SCAPER: variants seen among roughly 807,000 people sequenced by gnomAD.
SCAPER encodes S-phase cyclin A associated protein in the ER.
Under a neutral mutation model 182.2 loss-of-function variants are expected in SCAPER, and 98 were observed. That is an observed-to-expected ratio of 0.54 (90% CI 0.46 to 0.64). SCAPER has a LOEUF of 0.64. Among genes scored for constraint, SCAPER ranks in the 30% least tolerant of loss-of-function variants. SCAPER has a pLI of 0.00. For missense variants in SCAPER, 1,432 were observed against 1,690.0 expected (o/e 0.85, Z 2.68); for synonymous variants, 605 against 564.6 (o/e 1.07, Z -1.01).
intron 26 of SCAPER, among the ~76,000 whole-genome samples, chr15:76,426,585 A>T (rs1596556121): frequency 6.6e-6 from 1 of 152,178 alleles, no homozygotes; most frequent in East Asian, 1.9e-4. Context: ...TAAATGGAAA[A>T]ATATCCTGTG....
intron 22 of SCAPER, among the ~76,000 whole-genome samples, chr15:76,593,261 G>A (rs2049260603): frequency 8.2e-6 from 1 of 121,284 alleles, no homozygotes; most frequent in African/African-American, 2.5e-5. Flanking sequence ...TAGCCAGACT[G>A]CCTCTCTAGA....
At chr15:76,460,973 T>G (rs891793980) in intron 25 of SCAPER, among the ~76,000 whole-genome samples, 3 of 152,168 alleles carry the variant, frequency 2.0e-5, no homozygotes, top group African/African-American at 4.8e-5. Flanking sequence ...TTTGCCAGTT[T>G]CCCCACTAAC....
At chr15:76,471,061 T>G (rs2050116435) in intron 25 of SCAPER, 151 bp downstream of exon 25, 2 of 718,886 alleles carry the variant, frequency 2.8e-6, no homozygotes, top group Non-Finnish European at 4.0e-6. Context: ...CCAGTCTCTA[T>G]TCTCACAGTC....
chr15:76,588,047 G>A (rs1186972307), intron 22 of SCAPER, among the ~76,000 whole-genome samples: 4 of 151,466 alleles, frequency 2.6e-5, no homozygotes, highest in East Asian at 3.9e-4. Flanking sequence ...TCAGCCTCCC[G>A]AGTAGCTGGG....
At chr15:76,784,549 T>C (rs187358312) in intron 8 of SCAPER, among the ~76,000 whole-genome samples, 129 of 152,300 alleles carry the variant, frequency 8.5e-4, no homozygotes, top group Non-Finnish European at 4.3e-4. Flanking sequence ...AAAGTTCATA[T>C]GGAACCAAGA....
At chr15:76,650,891 G>C (rs1357782959) in intron 21 of SCAPER, among the ~76,000 whole-genome samples, 6 of 151,848 alleles carry the variant, frequency 4.0e-5, no homozygotes, top group Non-Finnish European at 8.8e-5. Context: ...TCAAATGTTT[G>C]GAAATTCAAC....
chr15:76,776,215 T>C (rs1018053869), intron 8 of SCAPER, among the ~76,000 whole-genome samples: 4 of 152,016 alleles, frequency 2.6e-5, no homozygotes, highest in African/African-American at 7.3e-5. Flanking sequence ...AAAGACAAAA[T>C]AGGCATCAAG....
At chr15:76,684,862 T>G (rs548041736) in intron 20 of SCAPER, among the ~76,000 whole-genome samples, 119 of 152,040 alleles carry the variant, frequency 7.8e-4, no homozygotes, top group African/African-American at 2.7e-3. Flanking sequence ...ATCCTGGTAT[T>G]GTACAAATCT....
At chr15:76,736,810 G>T in intron 15 of SCAPER, 1 of 160,774 alleles carries the variant, frequency 6.2e-6, no homozygotes, top group South Asian at 1.8e-4. Flanking sequence ...TGATAGAGGA[G>T]GACTGGTCTT....
intron 22 of SCAPER, among the ~76,000 whole-genome samples, chr15:76,605,788 T>C (rs12909495): frequency 5.1e-4 from 77 of 152,366 alleles, no homozygotes; most frequent in Admixed American, 1.4e-3. Flanking sequence ...CCATTTCTTC[T>C]AGATTTTCTA....
intron 25 of SCAPER, among the ~76,000 whole-genome samples, chr15:76,455,789 G>A (rs902841416): frequency 7.2e-5 from 11 of 152,116 alleles, no homozygotes; most frequent in African/African-American, 1.2e-4. Context: ...AAGCCCACAT[G>A]CATTAGGTTT....
At chr15:76,833,162 G>A (rs62029190) in intron 5 of SCAPER, among the ~76,000 whole-genome samples, 12,898 of 152,198 alleles carry the variant, frequency 0.085, 646 homozygotes, top group African/African-American at 0.13. Context: ...AAACTCATCA[G>A]GCTTACAGCA....
At chr15:76,901,440 A>G (rs2074773011) in intron 1 of SCAPER, among the ~76,000 whole-genome samples, 1 of 152,242 alleles carries the variant, frequency 6.6e-6, no homozygotes, top group Non-Finnish European at 1.5e-5. Flanking sequence ...GGCCTAATGC[A>G]TACTAAAATC....
intron 1 of SCAPER, among the ~76,000 whole-genome samples, chr15:76,904,014 T>G (rs1022890208): frequency 1.3e-5 from 2 of 152,208 alleles, no homozygotes; most frequent in Admixed American, 1.3e-4. Flanking sequence ...CTTGACTCTT[T>G]GATTGATTAA....
At chr15:76,553,583 T>C (rs1486095180) in intron 23 of SCAPER, among the ~76,000 whole-genome samples, 2 of 152,144 alleles carry the variant, frequency 1.3e-5, no homozygotes, top group Admixed American at 6.5e-5. Context: ...GATGGAATAC[T>C]GGGGCCAGGA....
chr15:76,802,746 A>G (rs1397354629), intron 6 of SCAPER, among the ~76,000 whole-genome samples: 4 of 152,164 alleles, frequency 2.6e-5, no homozygotes, highest in Non-Finnish European at 5.9e-5. Flanking sequence ...TCACCCACTA[A>G]GATTGAACCA....
intron 25 of SCAPER, among the ~76,000 whole-genome samples, chr15:76,451,266 T>G (rs2048350039): frequency 6.6e-6 from 1 of 152,228 alleles, no homozygotes; most frequent in Non-Finnish European, 1.5e-5. Flanking sequence ...GTTCACCTGT[T>G]CGTGGACATG....
At position 76,701,820 on chromosome 15, in the gene SCAPER, G is replaced by GTT. The variant is rs1239045609; in HGVS notation, c.2444_2445dup (p.His816AsnfsTer6). 1 of 1,613,680 alleles carries GTT rather than the reference G, an allele frequency of 6.2e-7. No homozygotes were observed. Among genetic ancestry groups the GTT allele is most frequent in the Non-Finnish European group, 8.5e-7 (1 of 1,179,812 alleles). On this transcript the variant is annotated frameshift_variant, in exon 20 of 32. Transcript: ENST00000563290. LOFTEE classifies it high-confidence loss of function. ...GTATTCTCTCTCACGGCTTGCTGGTGTTTTCTCCCTTTAACATGGCTAAAA... is the reference window on the plus strand; with the variant it reads ...GTATTCTCTCTCACGGCTTGCTGGTGTTTTTTCTCCCTTTAACATGGCTAAAA...
intron 23 of SCAPER, among the ~76,000 whole-genome samples, chr15:76,551,523 A>G (rs2045769583): frequency 6.6e-6 from 1 of 152,142 alleles, no homozygotes; most frequent in Non-Finnish European, 1.5e-5. Context: ...TCACAGATGT[A>G]CAGGGTAGAA....
Sources: allele counts gnomAD v4.1 joint callset (sites outside exome capture counted in the v4.1 genomes callset), GRCh38; gene constraint gnomAD v4.1.1; transcripts MANE v1.5; gene names NCBI Gene and HGNC (gene_info 2026-07-23, HGNC 2026-07-21).